The following ZNF417 variants were observed in gnomAD, a reference collection of about 807,000 sequenced individuals.
ZNF417 encodes the protein zinc finger protein 417.
ZNF417 carries 5 observed loss-of-function variants against 7.4 expected under a neutral mutation model. The ratio of observed to expected loss-of-function variants is 0.68; its 90% confidence interval spans 0.35 to 1.43. The LOEUF is 1.43. ZNF417 is among the 40% of genes most tolerant of loss of function. The pLI is 0.04. For synonymous variants in ZNF417, 147 were observed against 239.1 expected (o/e 0.61, Z 3.55); for missense variants, 437 against 697.3 (o/e 0.63, Z 4.20).
At chr19:57,910,463 T>C (rs1169303894) in intron 2 of ZNF417, among the ~76,000 whole-genome samples, 1 of 151,912 alleles carries the variant, frequency 6.6e-6, no homozygotes, top group Non-Finnish European at 1.5e-5. Flanking sequence ...GGAGAATCAT[T>C]TGAACCCGGG....
rs1441868182 is a variant in ZNF417 at position 57,912,131 on chromosome 19, A to T, written c.92T>A (p.Leu31His). ...AVNFSQEEWC[L>H]LSEAQRCLYR... ...CAAGCACCTCTGAGCCTCACTAAGA[A>T]GACACCACTCCTCCTGGGAAAAGTT... Residue 31 changes from leucine to histidine, a missense_variant, in exon 2 of 3, where the codon CTT becomes CAT. This residue lies in a region of ZNF417 where 57 missense variants were observed against 70.7 expected (regional missense o/e 0.81). Coordinates refer to ENST00000312026, the MANE Select transcript of ZNF417 (RefSeq NM_152475.3). 6.2e-7 allele frequency: 1 copy of T among 1,613,050 alleles called. No homozygotes were observed. The highest frequency in any genetic ancestry group is 2.2e-5 in the East Asian group (1 of 44,848).
intron 1 of ZNF417, among the ~76,000 whole-genome samples, chr19:57,913,418 C>G (rs968798866): frequency 6.6e-6 from 1 of 152,158 alleles, no homozygotes; most frequent in African/African-American, 2.4e-5. Flanking sequence ...CAGCTGAGAC[C>G]TCAGCTGTAG....
Position 57,908,312 on chromosome 19 carries a change from G to A in ZNF417, c.*238C>T. Reference sequence around the variant, plus strand: ...TCAGCTCCTTGGGAGGCTGAGGTAGGAGAATCACTTGAACCTGGGAGGCCC... The same window carrying A: ...TCAGCTCCTTGGGAGGCTGAGGTAGAAGAATCACTTGAACCTGGGAGGCCC... On this transcript the variant is annotated 3_prime_UTR_variant, in exon 3 of 3. Transcript: ENST00000312026. 2 of 634,346 alleles carry A rather than the reference G, an allele frequency of 3.2e-6. No homozygotes were observed. The highest frequency in any genetic ancestry group is 6.0e-5 in the East Asian group (2 of 33,278). 39.3% of individuals were successfully genotyped at this position (634,346 alleles called of 1,614,324 possible).
rs752817556 is a variant in ZNF417, at chr19:57,909,107, G to A, written c.1171C>T (p.Gln391Ter). 5.0e-6 allele frequency: 8 copies of A among 1,613,696 alleles called. No individual in the cohort carries two copies. The South Asian group carries it at 5.5e-5, about 11-fold the overall frequency. ...TGATGTTGAACGAGGTTGCCCTTTT[G>A]ACCAAAAGATTTTCCACATTCTCCA... ...KCGECGKSFG[Q>*]KGNLVQHQRG... is the part of the protein sequence containing the mutation. The change falls in exon 3 of 3, where the codon CAA becomes TAA. Residue 391 changes from glutamine (Q) to a stop codon, truncating the protein, a stop_gained. Transcript: ENST00000312026. LOFTEE classifies it low-confidence loss of function (END_TRUNC).
At position 57,916,391 on chromosome 19, in the gene ZNF417, C is replaced by A. The variant is rs763830375; in HGVS notation, c.21G>T (p.Arg7Ser). Residue 7 changes from arginine (R) to serine (S), a missense_variant, in exon 1 of 3, where the codon AGG (arginine) becomes AGT (serine). Arg to Ser is a moderately radical substitution (Grantham distance 110). Around this residue, in one of 5 missense-constraint regions of ZNF417, gnomAD observed 57 missense variants for 70.7 expected, o/e 0.81. Coordinates refer to ENST00000312026, the MANE Select transcript of ZNF417 (RefSeq NM_152475.3). ...GCGCCACAATTACCTGAGTCGGGCG[C>A]CTCGGCGCAGCCGCTGCCATCGGAC... MAAAAP[R>S]RPTQQGTVTF... 6.2e-7 allele frequency: 1 copy of A among 1,614,170 alleles called. No individual in the cohort carries two copies. Among genetic ancestry groups the A allele is most frequent in the South Asian group, 1.1e-5 (1 of 91,082 alleles).
chr19:57,916,233 G>T (rs1600151100), intron 1 of ZNF417, 146 bp downstream of exon 1: 5 of 1,495,256 alleles, frequency 3.3e-6, no homozygotes, highest in South Asian at 1.2e-5. Flanking sequence ...CCACTGGACA[G>T]TTACACAGGG....
At chr19:57,914,691 C>T (rs576005623) in intron 1 of ZNF417, among the ~76,000 whole-genome samples, 1 of 152,102 alleles carries the variant, frequency 6.6e-6, no homozygotes, top group Non-Finnish European at 1.5e-5. Flanking sequence ...CAGATGAAGC[C>T]GGTAGCCAGT....
chr19:57,914,483 C>CAAAAAAAAAAAAAAAAAAAAAAAAAAAAA (rs528220711), intron 1 of ZNF417, among the ~76,000 whole-genome samples: 1 of 57,610 alleles, frequency 1.7e-5, no homozygotes, highest in Non-Finnish European at 3.6e-5. Context: ...CGAAACTCCA[C>CAAAAAAAAAAAAAAAAAAAAAAAAAAAAA]AAAAAAAAAA....
chr19:57,915,656 T>C (rs1426456604), intron 1 of ZNF417: 1 of 385,446 alleles, frequency 2.6e-6, no homozygotes, highest in Non-Finnish European at 4.6e-6. Context: ...ATTCAGTTCA[T>C]GGTTTCACTC....
At chr19:57,913,785 A>G (rs1209449376) in intron 1 of ZNF417, among the ~76,000 whole-genome samples, 1 of 152,122 alleles carries the variant, frequency 6.6e-6, no homozygotes, top group East Asian at 1.9e-4. Flanking sequence ...AGGAAGCCCA[A>G]TAACATCACT....
intron 1 of ZNF417, among the ~76,000 whole-genome samples, chr19:57,914,839 G>A (rs2071933147): frequency 6.6e-6 from 1 of 152,202 alleles, no homozygotes; most frequent in South Asian, 2.1e-4. Flanking sequence ...CATATAACCT[G>A]CCATGGCCTC....
intron 1 of ZNF417, among the ~76,000 whole-genome samples, chr19:57,914,954 G>A (rs2071934479): frequency 6.6e-6 from 1 of 152,192 alleles, no homozygotes; most frequent in Non-Finnish European, 1.5e-5. Flanking sequence ...TGTGGATGGG[G>A]TCAAGACCAA....
chr19:57,913,217 T>C (rs921736834), intron 1 of ZNF417, among the ~76,000 whole-genome samples: 2 of 152,070 alleles, frequency 1.3e-5, no homozygotes, highest in African/African-American at 4.8e-5. Flanking sequence ...TATACCAAAA[T>C]GTGGATAAGC....
At chr19:57,913,739 C>T (rs559747748) in intron 1 of ZNF417, among the ~76,000 whole-genome samples, 1 of 152,248 alleles carries the variant, frequency 6.6e-6, no homozygotes, top group East Asian at 1.9e-4. Context: ...CTGATACATC[C>T]TGCCATGATG....
chr19:57,913,418 C>T (rs968798866), intron 1 of ZNF417, among the ~76,000 whole-genome samples: 20 of 152,158 alleles, frequency 1.3e-4, no homozygotes, highest in African/African-American at 3.9e-4. Context: ...CAGCTGAGAC[C>T]TCAGCTGTAG....
Position 57,909,743 on chromosome 19 carries a change from C to T in ZNF417, c.535G>A (p.Val179Ile), listed in dbSNP as rs140707289. The T allele has an allele frequency of 1.7e-4, 248 of 1,493,382 alleles. 24 individuals carry two copies. In the African/African-American group the frequency reaches 2.3e-3, roughly 14 times the overall value. 92.5% of individuals were successfully genotyped at this position (1,493,382 alleles called of 1,614,324 possible). ...TGGCACAATCCTGAACTGGGCAGAACGTCCTTCCCAAACTCGCGGAAGACA... is the reference window on the plus strand; with the variant it reads ...TGGCACAATCCTGAACTGGGCAGAATGTCCTTCCCAAACTCGCGGAAGACA... ...PFVFREFGKDVLPSSGLCQEA... is the reference protein window; with the variant it reads ...PFVFREFGKDILPSSGLCQEA... Residue 179 changes from valine to isoleucine, a missense_variant, in exon 3 of 3, where the codon GTT (valine) becomes ATT (isoleucine). Around this residue, in one of 5 missense-constraint regions of ZNF417, gnomAD observed 60 missense variants for 266.0 expected, o/e 0.23. Coordinates refer to ENST00000312026, the MANE Select transcript of ZNF417 (RefSeq NM_152475.3).
In ZNF417 at chr19:57,906,568, C is replaced by G. The variant is rs2071830240; in HGVS notation, c.*1982G>C. 1.3e-5 allele frequency among the ~76,000 whole-genome samples: 2 copies of G among 151,442 alleles called. No individual in the cohort carries two copies. Among genetic ancestry groups the G allele is most frequent in the Admixed American group, 6.6e-5 (1 of 15,160 alleles). Reference sequence around the variant, plus strand: ...ATGAGGTCACAAGTTTGAGACCAGCCTGGCTAACGTAGTGAAAGCCCATCT... The same window carrying G: ...ATGAGGTCACAAGTTTGAGACCAGCGTGGCTAACGTAGTGAAAGCCCATCT... On this transcript the variant is annotated 3_prime_UTR_variant, in exon 3 of 3. Transcript: ENST00000312026.
intron 2 of ZNF417, among the ~76,000 whole-genome samples, chr19:57,910,676 A>G (rs1047796083): frequency 5.9e-5 from 9 of 152,168 alleles, no homozygotes; most frequent in African/African-American, 1.4e-4. Context: ...GAGTAGAGGC[A>G]GGGTCCACAG....
intron 1 of ZNF417, among the ~76,000 whole-genome samples, chr19:57,914,245 G>A (rs2071924266): frequency 6.6e-6 from 1 of 151,954 alleles, no homozygotes; most frequent in Non-Finnish European, 1.5e-5. Context: ...CAGCACTTTG[G>A]GAGGCTGAGG....
Sources: allele counts gnomAD v4.1 joint callset (sites outside exome capture counted in the v4.1 genomes callset), GRCh38; gene constraint gnomAD v4.1.1; regional missense constraint gnomAD v4.1.1; transcripts MANE v1.5; gene names NCBI Gene and HGNC (gene_info 2026-07-23, HGNC 2026-07-21).